Variants in AMPH observed in about 807,000 individuals in gnomAD.
The protein encoded by AMPH is amphiphysin (Stiff-Mann syndrome with breast cancer 128kD autoantigen).
A neutral mutation model predicts 99.1 loss-of-function variants in AMPH; 49 were observed. The observed-to-expected ratio is 0.49, with a 90% CI of 0.39 to 0.63. AMPH has a LOEUF of 0.63. AMPH is among the 20% of genes least tolerant of loss of function. AMPH has a pLI of 0.00. For synonymous variants in AMPH, 314 were observed against 317.3 expected, an observed-to-expected ratio of 0.99 and a Z score of 0.11; for missense variants, 759 against 863.4, an observed-to-expected ratio of 0.88 and a Z score of 1.52.
At position 38,501,802 on chromosome 7, in the gene AMPH, T is replaced by TAAATA. The variant is rs1554348326; in HGVS notation, c.205+1847_205+1848insTATTT. Among the ~76,000 whole-genome samples the TAAATA allele has an allele frequency of 2.2e-3, 332 of 149,888 alleles. 1 individual carries two copies. The highest frequency in any genetic ancestry group is 8.0e-3 in the African/African-American group (321 of 40,302). ...ATAAATAAATAAATAAATAAATAAA[T>TAAATA]AAAAGATTTTACCAAATGCTCTCCA... On this transcript the variant is annotated intron_variant, in intron 3 of 20. Coordinates refer to ENST00000356264, the MANE Select transcript of AMPH (RefSeq NM_001635.4).
intron 1 of AMPH, among the ~76,000 whole-genome samples, chr7:38,577,394 A>G (rs1385335682): frequency 2.0e-5 from 3 of 152,168 alleles, no homozygotes; most frequent in African/African-American, 7.2e-5. Flanking sequence ...ATGCTAAGAA[A>G]GGGTATCCAC....
chr7:38,426,330 A>G (rs1190031311), intron 15 of AMPH, among the ~76,000 whole-genome samples: 1 of 152,164 alleles, frequency 6.6e-6, no homozygotes, highest in East Asian at 1.9e-4. Context: ...GGACATACAC[A>G]TACACTGTCC....
chr7:38,451,856 G>A (rs770682700), intron 11 of AMPH, among the ~76,000 whole-genome samples: 54 of 152,088 alleles, frequency 3.6e-4, no homozygotes, highest in Non-Finnish European at 7.1e-4. Context: ...TTCTTAGGAT[G>A]GAAAAATAGG....
rs1787826875 is a variant in AMPH at position 38,470,167 on chromosome 7, T to G, written c.591-3919A>C. Among the ~76,000 whole-genome samples the G allele has an allele frequency of 3.9e-5, 6 of 152,258 alleles. 1 individual carries two copies. The South Asian group carries it at 1.2e-3, about 32-fold the overall frequency. The stretch of plus-strand genomic sequence containing the variant: ...GCCCCACATATCTTCAGTCCTAAAT[T>G]ATTCCACCTTTACCACAACTATGCC... On this transcript the variant is annotated intron_variant, in intron 7 of 20. Coordinates refer to ENST00000356264, the MANE Select transcript of AMPH (RefSeq NM_001635.4).
At chr7:38,474,223 G>A (rs1214133175) in intron 7 of AMPH, among the ~76,000 whole-genome samples, 1 of 151,324 alleles carries the variant, frequency 6.6e-6, no homozygotes, top group East Asian at 1.9e-4. Context: ...TGAGGTTTCG[G>A]AACCCAGAAA....
chr7:38,428,061 T>C (rs920984744), intron 14 of AMPH: 9 of 456,636 alleles, frequency 2.0e-5, no homozygotes, highest in Admixed American at 1.6e-4. Flanking sequence ...TGCTAGTAAG[T>C]CCACCTTCAG....
intron 14 of AMPH, 135 bp downstream of exon 14, chr7:38,429,707 T>C: frequency 1.6e-6 from 2 of 1,281,410 alleles, no homozygotes; most frequent in African/African-American, 1.5e-5. Context: ...TGGAAAGTGA[T>C]TACATTCATT....
intron 5 of AMPH, among the ~76,000 whole-genome samples, chr7:38,477,850 T>G (rs1379159174): frequency 2.6e-5 from 4 of 152,074 alleles, no homozygotes; most frequent in Non-Finnish European, 5.9e-5. Context: ...GAGAGCCTTC[T>G]GACCTCTAGA....
chr7:38,537,488 A>T (rs1197124792), intron 1 of AMPH, among the ~76,000 whole-genome samples: 1 of 152,236 alleles, frequency 6.6e-6, no homozygotes, highest in Non-Finnish European at 1.5e-5. Flanking sequence ...AAAATGTTAC[A>T]TGACCAGAAT....
chr7:38,606,359 T>G (rs985507096), intron 1 of AMPH, among the ~76,000 whole-genome samples: 3 of 152,292 alleles, frequency 2.0e-5, no homozygotes, highest in Admixed American at 6.5e-5. Flanking sequence ...AACCCTGTAT[T>G]CATTAGGCAG....
intron 1 of AMPH, among the ~76,000 whole-genome samples, chr7:38,626,809 G>A (rs373679590): frequency 2.6e-5 from 4 of 152,076 alleles, no homozygotes; most frequent in African/African-American, 9.6e-5. Flanking sequence ...GAATCTAAAA[G>A]GAACTTAAGC....
intron 16 of AMPH, among the ~76,000 whole-genome samples, chr7:38,419,429 G>A (rs532976670): frequency 6.6e-6 from 1 of 152,166 alleles, no homozygotes; most frequent in East Asian, 1.9e-4. Context: ...GTAGACAAGT[G>A]TGCAGACATT....
chr7:38,495,165 C>T (rs191551564), intron 3 of AMPH, among the ~76,000 whole-genome samples: 200 of 152,136 alleles, frequency 1.3e-3, no homozygotes, highest in African/African-American at 4.4e-3. Flanking sequence ...TTAATTGATA[C>T]GATGAATAAT....
rs748701530 is a variant in AMPH at position 38,503,645 on chromosome 7, A to AT, written c.205+4dup. The AT allele has an allele frequency of 1.4e-5, 22 of 1,613,632 alleles. No homozygotes were observed. In the East Asian group the frequency reaches 4.9e-4, roughly 36 times the overall value. ...AACATGCAGTAAACAACTCATACAC[A>AT]TTACCTTTGATTGCTGCTAAATATC... On this transcript the variant is annotated splice_donor_region_variant and intron_variant, in intron 3 of 20. Transcript: ENST00000356264.
chr7:38,620,318 T>C (rs1188014749), intron 1 of AMPH, among the ~76,000 whole-genome samples: 1 of 143,884 alleles, frequency 7.0e-6, no homozygotes, highest in East Asian at 2.0e-4. Context: ...TATATACCAA[T>C]TCATTGGAGA....
At chr7:38,619,674 A>G (rs1196456791) in intron 1 of AMPH, among the ~76,000 whole-genome samples, 1 of 152,198 alleles carries the variant, frequency 6.6e-6, no homozygotes, top group Non-Finnish European at 1.5e-5. Context: ...GTCACATAAA[A>G]TATTTTCTCC....
intron 1 of AMPH, among the ~76,000 whole-genome samples, chr7:38,552,822 T>C (rs1413262714): frequency 6.6e-6 from 1 of 152,214 alleles, no homozygotes; most frequent in African/African-American, 2.4e-5. Flanking sequence ...CTTCTCTTTC[T>C]CTATCGCTCT....
At chr7:38,402,404 TAAAA>T (rs775404658) in intron 17 of AMPH, among the ~76,000 whole-genome samples, 4 of 152,246 alleles carry the variant, frequency 2.6e-5, no homozygotes, top group Admixed American at 6.5e-5. Flanking sequence ...TTTGCTAATC[TAAAA>T]ATGTATTTAC....
At chr7:38,608,235 G>C (rs982549600) in intron 1 of AMPH, among the ~76,000 whole-genome samples, 2 of 152,314 alleles carry the variant, frequency 1.3e-5, no homozygotes, top group South Asian at 2.1e-4. Context: ...TCAGGATTGT[G>C]AGTATCTGAG....
Sources: allele counts gnomAD v4.1 joint callset (sites outside exome capture counted in the v4.1 genomes callset), GRCh38; gene constraint gnomAD v4.1.1; transcripts MANE v1.5; gene names NCBI Gene and HGNC (gene_info 2026-07-23, HGNC 2026-07-21).